FRMD4B: variants seen among roughly 807,000 people sequenced by gnomAD.
FRMD4B encodes the protein FERM domain containing 4B.
In FRMD4B, 74 loss-of-function variants were observed where a neutral mutation model predicts 141.5. The observed-to-expected ratio is 0.52, with a 90% CI of 0.43 to 0.63. The LOEUF is 0.63. FRMD4B is among the 30% of genes least tolerant of loss of function. The probability of loss-of-function intolerance (pLI) is 0.00; values close to 1 mark genes in which losing one functional copy is unlikely to be tolerated. For synonymous variants in FRMD4B, 506 were observed against 467.9 expected (o/e 1.08, Z -1.05); for missense variants, 1,366 against 1,253.4 (o/e 1.09, Z -1.36).
At chr3:69,342,824 T>C (rs192634568) in intron 1 of FRMD4B, among the ~76,000 whole-genome samples, 3 of 152,320 alleles carry the variant, frequency 2.0e-5, no homozygotes, top group Admixed American at 6.5e-5. Context: ...AGTCACCCTA[T>C]AGTGCTATAC....
intron 7 of FRMD4B, among the ~76,000 whole-genome samples, 187 bp from the exon 8 acceptor site, chr3:69,224,877 G>A (rs1296776294): frequency 1.5e-5 from 2 of 136,782 alleles, no homozygotes; most frequent in African/African-American, 2.5e-5. Flanking sequence ...ATGAGATGTT[G>A]AAGTTTATAA....
intron 9 of FRMD4B, among the ~76,000 whole-genome samples, chr3:69,219,960 T>C (rs1221739304): frequency 6.6e-6 from 1 of 152,242 alleles, no homozygotes; most frequent in African/African-American, 2.4e-5. Context: ...TCTCATTCCT[T>C]TGTATGGCTA....
At position 69,424,427 on chromosome 3, in the gene FRMD4B, AG is replaced by A. The variant is rs1254136617; in HGVS notation, c.-1+8206del. 2.6e-5 allele frequency among the ~76,000 whole-genome samples: 4 copies of A among 152,304 alleles called. No individual in the cohort carries two copies. In the South Asian group the frequency reaches 8.3e-4, roughly 32 times the overall value. On this transcript the variant is annotated intron_variant, in intron 2 of 5. Transcript: ENST00000459638. ...TCCCGCTTTGGCCTCCCAAAGAGAT[AG>A]GATTACAGGTGAAAGCCACAGCACA...
intron 1 of FRMD4B, among the ~76,000 whole-genome samples, chr3:69,539,927 C>G (rs1301860108): frequency 6.6e-6 from 1 of 152,184 alleles, no homozygotes; most frequent in Non-Finnish European, 1.5e-5. Flanking sequence ...CTGTGGCTCA[C>G]GCCTGTAATC....
Position 69,335,083 on chromosome 3 carries a change from A to G in FRMD4B, c.163-21566T>C, listed in dbSNP as rs541513288. ...AGGATCGCTTGAGCCCAGGAGTTTG[A>G]GGCTGCAGTGAGCTATGAGTTATGC... On this transcript the variant is annotated intron_variant, in intron 1 of 22. Transcript: ENST00000398540. Among the ~76,000 whole-genome samples, 4 of 152,306 alleles carry G rather than the reference A, an allele frequency of 2.6e-5. No individual in the cohort carries two copies. In the East Asian group the frequency reaches 7.7e-4, roughly 29 times the overall value.
chr3:69,426,745 C>A (rs1008348689), intron 2 of FRMD4B, among the ~76,000 whole-genome samples: 1 of 152,094 alleles, frequency 6.6e-6, no homozygotes, highest in African/African-American at 2.4e-5. Flanking sequence ...ATAATTTTAA[C>A]CGTGAAAACA....
At chr3:69,381,529 CA>C (rs1704119080) in intron 1 of FRMD4B, among the ~76,000 whole-genome samples, 1 of 152,172 alleles carries the variant, frequency 6.6e-6, no homozygotes, top group Non-Finnish European at 1.5e-5. Flanking sequence ...TTTTTATCAA[CA>C]AGATCATCTA....
Position 69,216,285 on chromosome 3 carries a change from T to C in FRMD4B, c.854A>G (p.Gln285Arg), listed in dbSNP as rs374329809. Residue 285 changes from glutamine to arginine, a missense_variant, in exon 11 of 23, where the codon CAA (glutamine) becomes CGA (arginine). Physicochemically the swap from Gln to Arg is conservative, Grantham distance 43. Coordinates refer to ENST00000398540, the MANE Select transcript of FRMD4B (RefSeq NM_015123.3). Reference protein sequence around the residue: ...SYKGIGQYDIQDKVKPRKLFQ... With the variant: ...SYKGIGQYDIRDKVKPRKLFQ... The stretch of plus-strand genomic sequence containing the variant: ...TACCTTCCGAGGCTTCACCTTGTCT[T>C]GTATATCATATTGGCCAATTCCCTT... 1.9e-6 allele frequency: 3 copies of C among 1,564,612 alleles called. No individual in the cohort carries two copies. The highest frequency in any genetic ancestry group is 1.3e-5 in the African/African-American group (1 of 74,322).
At chr3:69,176,697 T>C (rs760756473) in intron 21 of FRMD4B, 41 bp from the exon 22 acceptor site, 2 of 1,441,790 alleles carry the variant, frequency 1.4e-6, no homozygotes, top group African/African-American at 1.4e-5. Flanking sequence ...AATGGAAATA[T>C]TAAAAGTGAA....
At chr3:69,400,261 A>T (rs971755578) in intron 2 of FRMD4B, among the ~76,000 whole-genome samples, 3 of 151,874 alleles carry the variant, frequency 2.0e-5, no homozygotes, top group African/African-American at 7.3e-5. Context: ...GTGGCTCATG[A>T]CTATAGTCCT....
At chr3:69,501,357 A>ATATGTAT (rs1254444508) in intron 1 of FRMD4B, among the ~76,000 whole-genome samples, 20 of 151,572 alleles carry the variant, frequency 1.3e-4, no homozygotes, top group African/African-American at 3.6e-4. Flanking sequence ...TATATGGCAT[A>ATATGTAT]TATGTATTAC....
chr3:69,205,059 C>A (rs200319363), intron 11 of FRMD4B, among the ~76,000 whole-genome samples: 4,299 of 123,098 alleles, frequency 0.035, 1 homozygote, highest in Non-Finnish European at 0.046. Context: ...ATGTTTTTAA[C>A]AAAAAAAAAA....
chr3:69,319,357 A>G (rs894380858), intron 1 of FRMD4B, among the ~76,000 whole-genome samples: 2 of 152,174 alleles, frequency 1.3e-5, no homozygotes, highest in Non-Finnish European at 2.9e-5. Context: ...TGTAGTCCCC[A>G]TTTGTTTGAA....
chr3:69,205,069 A>AG (rs1170152579), intron 11 of FRMD4B, among the ~76,000 whole-genome samples: 2 of 151,228 alleles, frequency 1.3e-5, no homozygotes, highest in African/African-American at 2.4e-5. Context: ...CAAAAAAAAA[A>AG]AAAAAGAAAA....
chr3:69,284,769 A>C (rs1361085412), intron 5 of FRMD4B, among the ~76,000 whole-genome samples: 3 of 152,232 alleles, frequency 2.0e-5, no homozygotes, highest in African/African-American at 7.2e-5. Context: ...AAACAGACAA[A>C]GGCATTAAAA....
chr3:69,514,737 T>C (rs1460820783), intron 1 of FRMD4B, among the ~76,000 whole-genome samples: 2 of 150,150 alleles, frequency 1.3e-5, no homozygotes, highest in African/African-American at 2.5e-5. Flanking sequence ...TGGAAAGACA[T>C]TCTGTGTTCA....
intron 1 of FRMD4B, among the ~76,000 whole-genome samples, chr3:69,497,299 T>C (rs1706419083): frequency 1.3e-5 from 2 of 152,230 alleles, no homozygotes. Context: ...TACTGAAGCA[T>C]AACCTAGTAA....
At chr3:69,209,914 A>G (rs2093059515) in intron 11 of FRMD4B, among the ~76,000 whole-genome samples, 1 of 152,248 alleles carries the variant, frequency 6.6e-6, no homozygotes, top group Non-Finnish European at 1.5e-5. Context: ...CATGGTGGAA[A>G]GAAGAGCTTA....
At chr3:69,523,798 C>T (rs1700890662) in intron 1 of FRMD4B, among the ~76,000 whole-genome samples, 1 of 152,092 alleles carries the variant, frequency 6.6e-6, no homozygotes, top group Admixed American at 6.5e-5. Flanking sequence ...ATGTGGCTTC[C>T]CAGGTGAGCC....
Sources: allele counts gnomAD v4.1 joint callset (sites outside exome capture counted in the v4.1 genomes callset), GRCh38; gene constraint gnomAD v4.1.1; transcripts MANE v1.5; gene names NCBI Gene and HGNC (gene_info 2026-07-23, HGNC 2026-07-21).